The following PCDHGA11 variants were observed in gnomAD, a reference collection of about 807,000 sequenced individuals.
PCDHGA11 encodes protocadherin gamma subfamily A, 11.
In PCDHGA11, 39 loss-of-function variants were observed where a neutral mutation model predicts 60.4. The ratio of observed to expected loss-of-function variants is 0.65; its 90% CI spans 0.50 to 0.84. The LOEUF (loss-of-function observed/expected upper bound fraction) is 0.84. PCDHGA11 is among the 40% of genes least tolerant of loss of function. PCDHGA11 has a pLI of 0.00. For synonymous variants in PCDHGA11, 533 were observed against 510.3 expected, an observed-to-expected ratio of 1.04 and a Z score of -0.60; for missense variants, 1,165 against 1,197.7, an observed-to-expected ratio of 0.97 and a Z score of 0.40.
intron 1 of PCDHGA11, among the ~76,000 whole-genome samples, chr5:141,429,387 T>TAA (rs11410533): frequency 2.6e-5 from 4 of 151,334 alleles, no homozygotes; most frequent in African/African-American, 4.9e-5. Flanking sequence ...GTTTTTTTTT[T>TAA]AAAAAAAATT....
At position 141,490,356 on chromosome 5, in the gene PCDHGA11, T is replaced by C. The variant is rs771968534; in HGVS notation, c.2434-4451T>C. ...CAGTGGGCACAGTAGTGGGGTTGTT[T>C]AATGTGCGAGACCGGGACTCAGGTA... On this transcript the variant is annotated intron_variant, in intron 1 of 3. Coordinates refer to ENST00000398587, the MANE Select transcript of PCDHGA11 (RefSeq NM_018914.3). The surrounding 1 kb of genome is among the most constrained non-coding windows in gnomAD (Gnocchi z 5.4). 1.4e-5 allele frequency: 23 copies of C among 1,614,084 alleles called. No individual in the cohort carries two copies. Among genetic ancestry groups the C allele is most frequent in the Non-Finnish European group, 1.9e-5 (22 of 1,180,038 alleles).
intron 1 of PCDHGA11, among the ~76,000 whole-genome samples, chr5:141,438,498 CAT>C (rs2097963931): frequency 6.7e-6 from 1 of 149,704 alleles, no homozygotes; most frequent in African/African-American, 2.5e-5. Context: ...AAAAAAGAAT[CAT>C]AGTGCAAAAC....
chr5:141,492,079 G>C (rs1400390407), intron 1 of PCDHGA11: 3 of 486,286 alleles, frequency 6.2e-6, no homozygotes, highest in South Asian at 4.1e-5. Flanking sequence ...CGCCGGCTCC[G>C]GCACGCTTCG....
chr5:141,511,823 G>A lies in PCDHGA11; in HGVS notation c.*650G>A, dbSNP rs1490513046. On this transcript the variant is annotated 3_prime_UTR_variant, in exon 4 of 4. Transcript: ENST00000398587. ...TTTTGCTACCAAGCCTCTTCCCAACGCCCTGGGGACCAGTCTTCTGTTTTG... is the reference window on the plus strand; with the variant it reads ...TTTTGCTACCAAGCCTCTTCCCAACACCCTGGGGACCAGTCTTCTGTTTTG... 4 of 156,728 alleles carry A rather than the reference G, an allele frequency of 2.6e-5. No homozygotes were observed. The highest frequency in any genetic ancestry group is 3.2e-3 in the Middle Eastern group (1 of 316). 9.7% of individuals were successfully genotyped at this position (156,728 alleles called of 1,614,324 possible). A position where few individuals can be genotyped will look rare whatever the true frequency, so the allele number is the denominator to read the frequency against.
At position 141,431,696 on chromosome 5, in the gene PCDHGA11, G is replaced by T; in HGVS notation, c.2433+8036G>T. ...AGGGGAGTTGGACCACGAGGAGTCA[G>T]GATTCTACCAGATGGAAGTGCAAGC... On this transcript the variant is annotated intron_variant, in intron 1 of 3. Transcript: ENST00000398587. The surrounding 1 kb of genome is among the most constrained non-coding windows in gnomAD (Gnocchi z 4.8). 6.2e-7 allele frequency: 1 copy of T among 1,614,238 alleles called. No individual in the cohort carries two copies. Among genetic ancestry groups the T allele is most frequent in the Non-Finnish European group, 8.5e-7 (1 of 1,180,038 alleles).
chr5:141,497,492 C>G (rs954582026), intron 2 of PCDHGA11, among the ~76,000 whole-genome samples: 1 of 151,628 alleles, frequency 6.6e-6, no homozygotes, highest in Non-Finnish European at 1.5e-5. Flanking sequence ...ACCTCTCTCT[C>G]TCTCCTCTCT....
chr5:141,431,320 C>T lies in PCDHGA11; in HGVS notation c.2433+7660C>T. On this transcript the variant is annotated intron_variant, in intron 1 of 3. Coordinates refer to ENST00000398587, the MANE Select transcript of PCDHGA11 (RefSeq NM_018914.3). The surrounding 1 kb of genome is among the most constrained non-coding windows in gnomAD (Gnocchi z 4.8). ...CCCTCATCGTGCAAAATGGAGCCGA[C>T]GGTAGTAAGTACCCCGAATTGGTGC... is the stretch of plus-strand genomic sequence containing the variant. 1 of 1,614,102 alleles carries T rather than the reference C, an allele frequency of 6.2e-7. No homozygotes were observed. Among genetic ancestry groups the T allele is most frequent in the Non-Finnish European group, 8.5e-7 (1 of 1,180,038 alleles).
intron 1 of PCDHGA11, among the ~76,000 whole-genome samples, 184 bp from the exon 2 acceptor site, chr5:141,494,623 C>A (rs2099755716): frequency 6.6e-6 from 1 of 152,146 alleles, no homozygotes; most frequent in Non-Finnish European, 1.5e-5. Flanking sequence ...GTTTCTGGTA[C>A]CTCAGACCTC....
At chr5:141,453,871 A>T (rs561367146) in intron 1 of PCDHGA11, among the ~76,000 whole-genome samples, 8 of 152,364 alleles carry the variant, frequency 5.3e-5, no homozygotes, top group African/African-American at 1.9e-4. Flanking sequence ...ACAGATGAGC[A>T]AAATAATGTG....
At chr5:141,472,620 A>G (rs2099290656) in intron 1 of PCDHGA11, among the ~76,000 whole-genome samples, 1 of 152,136 alleles carries the variant, frequency 6.6e-6, no homozygotes, top group Admixed American at 6.5e-5. Context: ...AGAAGAAAAA[A>G]GATAAAGACT....
intron 1 of PCDHGA11, chr5:141,478,595 T>A: frequency 6.4e-7 from 1 of 1,567,880 alleles, no homozygotes; most frequent in Non-Finnish European, 8.7e-7. Flanking sequence ...TTTTTATTCC[T>A]ACATCATATT....
chr5:141,443,235 C>G (rs1182428300), intron 1 of PCDHGA11, among the ~76,000 whole-genome samples: 2 of 151,642 alleles, frequency 1.3e-5, no homozygotes, highest in East Asian at 1.9e-4. Flanking sequence ...AATCTTAGCA[C>G]TTTGGGGCGC....
At chr5:141,438,749 C>T (rs1238134451) in intron 1 of PCDHGA11, among the ~76,000 whole-genome samples, 3 of 149,226 alleles carry the variant, frequency 2.0e-5, no homozygotes, top group African/African-American at 4.9e-5. Context: ...GCAACCTCTG[C>T]CTCCTGGGTT....
intron 1 of PCDHGA11, among the ~76,000 whole-genome samples, chr5:141,479,135 G>C (rs1236040845): frequency 6.6e-6 from 1 of 152,126 alleles, no homozygotes; most frequent in East Asian, 1.9e-4. Flanking sequence ...TGTGCACCCT[G>C]CTTACAAAAT....
At position 141,487,128 on chromosome 5, in the gene PCDHGA11, G is replaced by A; in HGVS notation, c.2434-7679G>A. The A allele has an allele frequency of 6.2e-7, 1 of 1,614,086 alleles. No individual in the cohort carries two copies. ...GTCATTGTGGTAAAGGATAGTGGTA[G>A]TCCACCACTCTCTACCTCTGTTACT... is the stretch of plus-strand genomic sequence containing the variant. On this transcript the variant is annotated intron_variant, in intron 1 of 3. Transcript: ENST00000398587. This position sits in a 1 kb window ranked among gnomAD's most constrained non-coding sequence, Gnocchi z 5.0.
chr5:141,484,988 G>A (rs1187402042), intron 1 of PCDHGA11: 2 of 604,830 alleles, frequency 3.3e-6, no homozygotes, highest in Admixed American at 3.0e-5. Context: ...CAATCGGGTG[G>A]TGAAAGGCAG....
chr5:141,451,428 G>T (rs552096051), intron 1 of PCDHGA11, among the ~76,000 whole-genome samples: 17 of 152,166 alleles, frequency 1.1e-4, no homozygotes, highest in Non-Finnish European at 2.1e-4. Context: ...TTAGACTAAG[G>T]GTTCCAGTTC....
chr5:141,425,979 A>T lies in PCDHGA11; in HGVS notation c.2433+2319A>T, dbSNP rs114212354. ...GTCCAACACATCAGTCTAATTCTGA[A>T]TCCCATTGAATTAGCAAAGGCTTCC... On this transcript the variant is annotated intron_variant, in intron 1 of 3. Coordinates refer to ENST00000398587, the MANE Select transcript of PCDHGA11 (RefSeq NM_018914.3). Among the ~76,000 whole-genome samples, 592 of 152,328 alleles carry T rather than the reference A, an allele frequency of 3.9e-3. 5 individuals carry two copies. Among genetic ancestry groups the T allele is most frequent in the African/African-American group, 0.014 (563 of 41,580 alleles).
chr5:141,502,126 A>C (rs2154593060), intron 2 of PCDHGA11, among the ~76,000 whole-genome samples: 1 of 152,252 alleles, frequency 6.6e-6, no homozygotes, highest in South Asian at 2.1e-4. Flanking sequence ...AGGCCCACAG[A>C]GCTCAGTCGG....
Sources: allele counts gnomAD v4.1 joint callset (sites outside exome capture counted in the v4.1 genomes callset), GRCh38; gene constraint gnomAD v4.1.1; non-coding constraint Gnocchi (gnomAD v3.1); transcripts MANE v1.5; gene names NCBI Gene and HGNC (gene_info 2026-07-23, HGNC 2026-07-21).